The following DAPK3 variants were observed in gnomAD, a reference collection of about 807,000 sequenced individuals.
The protein encoded by DAPK3 is death-associated protein kinase 3.
Under a neutral mutation model 30.6 loss-of-function variants are expected in DAPK3, and 24 were observed. That is an observed-to-expected ratio of 0.78 (90% CI 0.57 to 1.10). The LOEUF (loss-of-function observed/expected upper bound fraction) is 1.10. DAPK3 is among the 50% of genes least tolerant of loss of function. DAPK3 has a pLI of 0.00. For missense variants in DAPK3, 629 were observed against 657.3 expected (o/e 0.96, Z 0.47); for synonymous variants, 341 against 284.0 (o/e 1.20, Z -2.02).
Position 3,964,979 on chromosome 19 carries a change from C to CGGCCG in DAPK3, c.74_75insCGGCC (p.Ile26GlyfsTer33). ...CCTTCTGCCGGCACTTCCGCACGAT[C>CGGCCG]GCAAACTGGCCGCTGGAGGAGGGGG... On this transcript the variant is annotated frameshift_variant, in exon 3 of 9. Transcript: ENST00000545797. LOFTEE classifies it high-confidence loss of function. The CGGCCG allele has an allele frequency of 6.3e-7, 1 of 1,599,870 alleles. No homozygotes were observed. The highest frequency in any genetic ancestry group is 8.5e-7 in the Non-Finnish European group (1 of 1,170,440).
chr19:3,965,141 G>A (rs2039564293), intron 2 of DAPK3, 150 bp from the exon 3 acceptor site: 1 of 606,216 alleles, frequency 1.6e-6, no homozygotes, highest in Non-Finnish European at 2.9e-6. Context: ...CGGGGGTGCA[G>A]ACTCTGCGCC....
rs1483954115 is a variant in DAPK3, at chr19:3,959,331, G to A, written c.1135C>T (p.Arg379Trp). 1.3e-6 allele frequency: 2 copies of A among 1,590,968 alleles called. No homozygotes were observed. The highest frequency in any genetic ancestry group is 1.3e-5 in the African/African-American group (1 of 74,756). Reference protein sequence around the residue: ...EESDSLGQDLRRLRQELLKTE... With the variant: ...EESDSLGQDLWRLRQELLKTE... ...TTGAGCAGCTCCTGCCGTAGCCTCC[G>A]CAGGTCCTGGCCCAGGCTGTCGCTC... Residue 379 changes from arginine (R) to tryptophan (W), a missense_variant, in exon 9 of 9, where the codon CGG becomes TGG. Physicochemically the swap from Arg to Trp is moderately radical, Grantham distance 101. Transcript: ENST00000545797.
rs1336802321 is a variant in DAPK3 at position 3,958,530 on chromosome 19, G to A, written c.*571C>T. On this transcript the variant is annotated 3_prime_UTR_variant, in exon 9 of 9. Transcript: ENST00000545797. The stretch of plus-strand genomic sequence containing the variant: ...TAGGCGTCCACAGGCGCGACGATGG[G>A]GCTCGCGGAGGAGTCCGCAGCAGGG... The A allele has an allele frequency of 6.6e-6, 3 of 456,762 alleles. No homozygotes were observed. Among genetic ancestry groups the A allele is most frequent in the Admixed American group, 2.3e-5 (1 of 42,580 alleles). The allele number at this position is 456,762 out of a possible 1,614,324, so 28.3% of individuals were successfully genotyped here.
intron 4 of DAPK3, 136 bp downstream of exon 4, chr19:3,964,108 C>T (rs2278438): frequency 1.1e-6 from 1 of 906,878 alleles, no homozygotes; most frequent in South Asian, 1.6e-5. Flanking sequence ...AGACCTCCCG[C>T]AAAGCCGGGC....
intron 6 of DAPK3, chr19:3,961,438 C>T: frequency 1.7e-6 from 1 of 590,068 alleles, no homozygotes; most frequent in East Asian, 4.2e-5. Context: ...GACGCAGAGC[C>T]CGAAAGCCCC....
rs1054731145 is a variant in DAPK3, at chr19:3,958,519, C to T, written c.*582G>A. ...CCGCTCTTGCCTAGGCGTCCACAGG[C>T]GCGACGATGGGGCTCGCGGAGGAGT... On this transcript the variant is annotated 3_prime_UTR_variant, in exon 9 of 9. Coordinates refer to ENST00000545797, the MANE Select transcript of DAPK3 (RefSeq NM_001348.3). 2.6e-5 allele frequency: 12 copies of T among 456,564 alleles called. No homozygotes were observed. Among genetic ancestry groups the T allele is most frequent in the Middle Eastern group, 3.2e-4 (1 of 3,090 alleles). The allele number at this position is 456,564 out of a possible 1,614,324, so 28.3% of individuals were successfully genotyped here. A position where few individuals can be genotyped will look rare whatever the true frequency, so the allele number is the denominator to read the frequency against.
chr19:3,965,038 G>A lies in DAPK3; in HGVS notation c.63-47C>T, dbSNP rs774996666. ...AGTGGGGGTGGAGGAGGCGGAGGGAGTAAGTGGGGGTGGCTGGCTCCCCGT... is the reference window on the plus strand; with the variant it reads ...AGTGGGGGTGGAGGAGGCGGAGGGAATAAGTGGGGGTGGCTGGCTCCCCGT... On this transcript the variant is annotated intron_variant, in intron 2 of 8. Transcript: ENST00000545797. The A allele has an allele frequency of 2.9e-6, 3 of 1,024,172 alleles. No homozygotes were observed. In the South Asian group the frequency reaches 4.1e-5, roughly 14 times the overall value. The allele number at this position is 1,024,172 out of a possible 1,614,324, so 63.4% of individuals were successfully genotyped here.
rs2039556881 is a variant in DAPK3, at chr19:3,964,622, A to G, written c.423+9T>C. 1 of 1,496,602 alleles carries G rather than the reference A, an allele frequency of 6.7e-7. No homozygotes were observed. Among genetic ancestry groups the G allele is most frequent in the Non-Finnish European group, 9.0e-7 (1 of 1,112,208 alleles). The allele number at this position is 1,496,602 out of a possible 1,614,324, so 92.7% of individuals were successfully genotyped here. Reference sequence around the variant, plus strand: ...CCAGGCCGGCCCCACAGGGCCCTACAGGGCTCACCTTCAGGTCAAAGTGTG... The same window carrying G: ...CCAGGCCGGCCCCACAGGGCCCTACGGGGCTCACCTTCAGGTCAAAGTGTG... On this transcript the variant is annotated intron_variant, in intron 3 of 8. Transcript: ENST00000545797.
rs1429865808 is a variant in DAPK3 at position 3,971,060 on chromosome 19, T to C, written c.-234A>G. Reference sequence around the variant, plus strand: ...GAGAATACGGCCGGCGCCGCCGCGCTGGCCACCGCCGCCGCCTCCAGAAGC... The same window carrying C: ...GAGAATACGGCCGGCGCCGCCGCGCCGGCCACCGCCGCCGCCTCCAGAAGC... On this transcript the variant is annotated 5_prime_UTR_variant, in exon 1 of 9. Coordinates refer to ENST00000545797, the MANE Select transcript of DAPK3 (RefSeq NM_001348.3). 6.5e-6 allele frequency: 1 copy of C among 153,964 alleles called. No homozygotes were observed. Among genetic ancestry groups the C allele is most frequent in the Non-Finnish European group, 1.4e-5 (1 of 69,260 alleles). 9.5% of individuals were successfully genotyped at this position (153,964 alleles called of 1,614,324 possible).
intron 3 of DAPK3, 95 bp downstream of exon 3, chr19:3,964,535 AC>A: frequency 8.2e-7 from 1 of 1,218,254 alleles, no homozygotes; most frequent in Non-Finnish European, 1.1e-6. Flanking sequence ...CCCACACCTC[AC>A]CCCCACGCGC....
intron 3 of DAPK3, 111 bp from the exon 4 acceptor site, chr19:3,964,484 C>G (rs186158208): frequency 1.1e-6 from 1 of 927,294 alleles, no homozygotes; most frequent in African/African-American, 2.2e-5. Flanking sequence ...CACGCTCCCC[C>G]AACCTCACCC....
At chr19:3,970,444 G>GCCCTCGGCAGGTCTCTTAAGA (rs1380803806) in intron 1 of DAPK3, 1 of 152,348 alleles carries the variant, frequency 6.6e-6, no homozygotes, top group African/African-American at 2.4e-5. Context: ...CCTGGTCCTT[G>GCCCTCGGCAGGTCTCTTAAGA]CCCTCGGCAG....
At chr19:3,962,787 CAAAAA>C (rs35117218) in intron 6 of DAPK3, among the ~76,000 whole-genome samples, 18 of 68,064 alleles carry the variant, frequency 2.6e-4, no homozygotes, top group East Asian at 8.7e-4. Flanking sequence ...AACTCTGTCT[CAAAAA>C]AAAAAAAAAA....
At chr19:3,960,240 A>G (rs2039494257) in intron 7 of DAPK3, 136 bp from the exon 8 acceptor site, 9 of 631,130 alleles carry the variant, frequency 1.4e-5, no homozygotes, top group Non-Finnish European at 2.6e-5. Flanking sequence ...AAGCTGAACA[A>G]GGGTACTGCA....
intron 2 of DAPK3, among the ~76,000 whole-genome samples, chr19:3,965,750 G>A (rs1429094956): frequency 1.3e-5 from 2 of 151,966 alleles, no homozygotes; most frequent in Admixed American, 6.6e-5. Context: ...CTGCAGCCTT[G>A]ACCTCCTGGG....
intron 7 of DAPK3, among the ~76,000 whole-genome samples, chr19:3,960,597 G>C (rs2039499012): frequency 6.6e-6 from 1 of 152,012 alleles, no homozygotes; most frequent in Non-Finnish European, 1.5e-5. Context: ...TGGGCAACAT[G>C]GTGAAGCCCT....
At chr19:3,965,214 G>A (rs1001090113) in intron 2 of DAPK3, among the ~76,000 whole-genome samples, 4 of 152,210 alleles carry the variant, frequency 2.6e-5, no homozygotes, top group African/African-American at 9.6e-5. Flanking sequence ...CCCCTCCCAG[G>A]GCTATGCCCA....
chr19:3,960,035 G>A lies in DAPK3; in HGVS notation c.828+24C>T, dbSNP rs1279161571. On this transcript the variant is annotated intron_variant, in intron 8 of 8. Coordinates refer to ENST00000545797, the MANE Select transcript of DAPK3 (RefSeq NM_001348.3). ...AGAAGGCCAAGGCGGGAAGCCCAGG[G>A]AGCTCCCCCACCTCCCCACTTACCT... 20 of 1,368,982 alleles carry A rather than the reference G, an allele frequency of 1.5e-5. No homozygotes were observed. In the East Asian group the frequency reaches 4.6e-4, roughly 31 times the overall value. The allele number at this position is 1,368,982 out of a possible 1,614,324, so 84.8% of individuals were successfully genotyped here.
chr19:3,970,038 G>C (rs1209578913), intron 1 of DAPK3: 4 of 402,698 alleles, frequency 9.9e-6, no homozygotes, highest in African/African-American at 2.1e-5. Context: ...TTTGGTAACA[G>C]CCCCACTGGG....
Sources: allele counts gnomAD v4.1 joint callset (sites outside exome capture counted in the v4.1 genomes callset), GRCh38; gene constraint gnomAD v4.1.1; transcripts MANE v1.5; gene names NCBI Gene and HGNC (gene_info 2026-07-23, HGNC 2026-07-21).